The following XG variants were observed in gnomAD, a reference collection of about 807,000 sequenced individuals.
XG encodes the protein Xg glycoprotein (Xg blood group), also known as glycoprotein Xg.
In XG, 24 loss-of-function variants were observed where a neutral mutation model predicts 25.7. That is an observed-to-expected ratio of 0.93 (90% confidence interval 0.68 to 1.31). The LOEUF (loss-of-function observed/expected upper bound fraction) is 1.31. Among genes scored for constraint, XG ranks in the 40% most tolerant of loss-of-function variants. The pLI is 0.00. For synonymous variants in XG, 77 were observed against 69.2 expected, an observed-to-expected ratio of 1.11 and a Z score of -0.56; for missense variants, 181 against 187.6, an observed-to-expected ratio of 0.96 and a Z score of 0.21.
At chrX:2,763,655 C>A (rs1403644643) in intron 1 of XG, among the ~76,000 whole-genome samples, 2 of 152,142 alleles carry the variant, frequency 1.3e-5, no homozygotes, top group African/African-American at 4.8e-5. Flanking sequence ...GGTATCCCGC[C>A]TTTTTAGATC....
At chrX:2,774,610 C>T in intron 2 of XG, 106 bp from the exon 3 acceptor site, 1 of 1,260,584 alleles carries the variant, frequency 7.9e-7, no homozygotes, top group South Asian at 1.2e-5. Context: ...CTTTGTATGG[C>T]TTTGTCACTC....
At chrX:2,774,652 C>A in intron 2 of XG, 64 bp from the exon 3 acceptor site, 1 of 1,594,710 alleles carries the variant, frequency 6.3e-7, no homozygotes, top group Non-Finnish European at 8.6e-7. Context: ...CGTTCATGGC[C>A]TTTCTTCATG....
intron 1 of XG, among the ~76,000 whole-genome samples, chrX:2,766,457 AC>A (rs2050692148): frequency 1.3e-5 from 2 of 149,472 alleles, no homozygotes; most frequent in South Asian, 4.3e-4. Flanking sequence ...GCCTCTCTGA[AC>A]AGTGCTCCTT....
intron 3 of XG, among the ~76,000 whole-genome samples, chrX:2,776,434 G>A (rs1262248696): frequency 3.9e-5 from 6 of 152,172 alleles, no homozygotes; most frequent in Admixed American, 6.5e-5. Flanking sequence ...AACTGCGGAT[G>A]TAGCTCGCCA....
rs372943884 is a variant in XG, at chrX:2,794,812, G to T, written c.322+209G>T. On this transcript the variant is annotated intron_variant, in intron 6 of 10. Coordinates refer to ENST00000644266, the MANE Select transcript of XG (RefSeq NM_001141919.2). ...GCATCTGTCCGCCTCTCCAGGCTGG[G>T]GGACTGGATGGAAACAAAATGAACA... Among the ~76,000 whole-genome samples, 24 of 112,039 alleles carry T rather than the reference G, an allele frequency of 2.1e-4. 1 individual carries two copies. The South Asian group carries it at 4.1e-3, about 19-fold the overall frequency.
intron 3 of XG, among the ~76,000 whole-genome samples, chrX:2,777,085 A>T (rs2051015284): frequency 6.6e-6 from 1 of 152,258 alleles, no homozygotes. Flanking sequence ...GCTCTGCCAT[A>T]AGAAGAAATT....
At chrX:2,766,393 C>G (rs1188457216) in intron 1 of XG, among the ~76,000 whole-genome samples, 9 of 151,924 alleles carry the variant, frequency 5.9e-5, no homozygotes, top group Admixed American at 5.9e-4. Flanking sequence ...CCCTCCTCGG[C>G]CTCCCAAAGT....
chrX:2,786,222 TTCTTTTCTCTGACCC>T, intron 4 of XG, among the ~76,000 whole-genome samples: 1 of 106,666 alleles, frequency 9.4e-6, no homozygotes, highest in Non-Finnish European at 1.9e-5. Context: ...TGCTCACCGA[TTCTTTTCTCTGACCC>T]CAGCAGCTCC....
chrX:2,774,613 T>C, intron 2 of XG, 103 bp from the exon 3 acceptor site: 1 of 1,286,078 alleles, frequency 7.8e-7, no homozygotes, highest in Non-Finnish European at 1.1e-6. Context: ...TGTATGGCTT[T>C]GTCACTCCCT....
intron 7 of XG, among the ~76,000 whole-genome samples, chrX:2,801,573 A>T (rs756929082): frequency 9.0e-6 from 1 of 111,424 alleles, no homozygotes; most frequent in Admixed American, 9.6e-5. Flanking sequence ...TCTGCTACTT[A>T]CTGTACATGG....
chrX:2,753,062 T>A (rs2050367594), intron 1 of XG: 1 of 752,924 alleles, frequency 1.3e-6, no homozygotes, highest in Non-Finnish European at 1.6e-6. Flanking sequence ...GGGCGCATCT[T>A]AAGAGAGAGA....
intron 4 of XG, among the ~76,000 whole-genome samples, chrX:2,788,842 C>T (rs1312121797): frequency 5.3e-5 from 4 of 74,886 alleles, no homozygotes; most frequent in Admixed American, 1.4e-4. Flanking sequence ...GCGACAAAAG[C>T]GAAACTCCGT....
At position 2,755,226 on chromosome X, in the gene XG, T is replaced by C. The variant is rs563999893; in HGVS notation, c.61+2891T>C. ...CAAGTTTATTAGGAAAGTAAAGGAA[T>C]AAAAGAATGGCTATTCCGCAGAGCA... On this transcript the variant is annotated intron_variant, in intron 1 of 10. Transcript: ENST00000644266. Among the ~76,000 whole-genome samples, 7 of 152,300 alleles carry C rather than the reference T, an allele frequency of 4.6e-5. No individual in the cohort carries two copies. In the South Asian group the frequency reaches 1.2e-3, roughly 27 times the overall value.
intron 7 of XG, among the ~76,000 whole-genome samples, chrX:2,801,908 C>T (rs369166162): frequency 4.6e-5 from 5 of 109,741 alleles, no homozygotes; most frequent in East Asian, 5.8e-4. Flanking sequence ...GGGGTTTCAC[C>T]GTGTTAGCCA....
At chrX:2,764,464 C>T (rs2050631709) in intron 1 of XG, among the ~76,000 whole-genome samples, 1 of 152,172 alleles carries the variant, frequency 6.6e-6, no homozygotes, top group Non-Finnish European at 1.5e-5. Flanking sequence ...GAACCATTAT[C>T]ATATGCTTTC....
intron 1 of XG, among the ~76,000 whole-genome samples, chrX:2,762,702 C>G (rs1260002123): frequency 1.1e-4 from 16 of 152,236 alleles, no homozygotes; most frequent in Admixed American, 1.0e-3. Context: ...GGGGCAGCAG[C>G]CTTCCTTGTC....
chrX:2,771,195 G>A (rs1243979445), intron 2 of XG, among the ~76,000 whole-genome samples: 1 of 151,614 alleles, frequency 6.6e-6, no homozygotes, highest in Middle Eastern at 3.2e-3. Flanking sequence ...ATCCCTCATT[G>A]TCCCACACCC....
chrX:2,793,808 C>T (rs1473189585), intron 5 of XG, among the ~76,000 whole-genome samples: 1 of 111,604 alleles, frequency 9.0e-6, no homozygotes, highest in African/African-American at 3.3e-5. Context: ...GGAATTCTCC[C>T]TGGGGAATCG....
chrX:2,776,508 C>G (rs1699822459), intron 3 of XG, among the ~76,000 whole-genome samples: 1 of 151,946 alleles, frequency 6.6e-6, no homozygotes, highest in South Asian at 2.1e-4. Context: ...GAGTTCAGTC[C>G]TTGAGGAAGG....
Sources: allele counts gnomAD v4.1 joint callset (sites outside exome capture counted in the v4.1 genomes callset), GRCh38; gene constraint gnomAD v4.1.1; transcripts MANE v1.5; gene names NCBI Gene and HGNC (gene_info 2026-07-23, HGNC 2026-07-21).